The following CTNNA3 variants were observed in gnomAD, a reference collection of about 807,000 sequenced individuals.
CTNNA3 encodes catenin alpha-3.
Under a neutral mutation model 95.7 loss-of-function variants are expected in CTNNA3, and 76 were observed. The ratio of observed to expected loss-of-function variants is 0.79; its 90% CI spans 0.66 to 0.96. The LOEUF is 0.96. CTNNA3 is among the 40% of genes least tolerant of loss of function. CTNNA3 has a pLI of 0.00. For missense variants in CTNNA3, 1,191 were observed against 1,089.8 expected, an observed-to-expected ratio of 1.09 and a Z score of -1.31; for synonymous variants, 431 against 374.4, an observed-to-expected ratio of 1.15 and a Z score of -1.74.
intron 5 of CTNNA3, among the ~76,000 whole-genome samples, chr10:67,225,791 T>C (rs1178578851): frequency 6.6e-6 from 1 of 151,780 alleles, no homozygotes; most frequent in African/African-American, 2.4e-5. Flanking sequence ...GAAAAAAAAA[T>C]CTGGTAATAT....
chr10:67,460,525 T>C (rs1398821781), intron 5 of CTNNA3, among the ~76,000 whole-genome samples: 1 of 152,140 alleles, frequency 6.6e-6, no homozygotes, highest in African/African-American at 2.4e-5. Flanking sequence ...TAAAAATTAT[T>C]TGAGAAGTTT....
At chr10:66,435,184 T>A (rs7476920) in intron 11 of CTNNA3, among the ~76,000 whole-genome samples, 61,999 of 151,948 alleles carry the variant, frequency 0.41, 13,747 homozygotes, top group East Asian at 0.6. Context: ...TTATGATAAT[T>A]TCTTTTCTAT....
chr10:67,497,945 C>T (rs1362982127), intron 5 of CTNNA3, among the ~76,000 whole-genome samples: 5 of 152,104 alleles, frequency 3.3e-5, no homozygotes, highest in Non-Finnish European at 5.9e-5. Flanking sequence ...CAAATTAGAT[C>T]CCATTTGTCA....
intron 16 of CTNNA3, among the ~76,000 whole-genome samples, chr10:65,984,044 T>C (rs1204656069): frequency 6.6e-6 from 1 of 151,204 alleles, no homozygotes; most frequent in Non-Finnish European, 1.5e-5. Context: ...AAACATGCAT[T>C]TAAATAATTT....
chr10:66,830,330 G>C (rs1407010824), intron 7 of CTNNA3, among the ~76,000 whole-genome samples: 2 of 152,152 alleles, frequency 1.3e-5, no homozygotes, highest in Admixed American at 1.3e-4. Flanking sequence ...ACAGTATTAA[G>C]ATATTTAAAA....
At chr10:66,963,562 A>T (rs1213196434) in intron 7 of CTNNA3, among the ~76,000 whole-genome samples, 1 of 152,150 alleles carries the variant, frequency 6.6e-6, no homozygotes, top group Non-Finnish European at 1.5e-5. Context: ...AGATGAACTG[A>T]TCACCTGCAG....
At chr10:67,464,890 C>A (rs2133006933) in intron 5 of CTNNA3, among the ~76,000 whole-genome samples, 1 of 145,778 alleles carries the variant, frequency 6.9e-6, no homozygotes, top group South Asian at 2.2e-4. Flanking sequence ...AAAGAAAGTA[C>A]AGATCATTCA....
intron 5 of CTNNA3, among the ~76,000 whole-genome samples, chr10:67,462,326 T>C (rs1847408113): frequency 6.6e-6 from 1 of 152,180 alleles, no homozygotes; most frequent in African/African-American, 2.4e-5. Context: ...ATTCAGGTAA[T>C]TAATATCCTC....
chr10:65,945,535 A>G (rs74140881), intron 17 of CTNNA3, among the ~76,000 whole-genome samples: 4,008 of 152,288 alleles, frequency 0.026, 160 homozygotes, highest in African/African-American at 0.091. Context: ...TGTCTATTTC[A>G]GAATAATACA....
intron 5 of CTNNA3, among the ~76,000 whole-genome samples, chr10:67,385,425 C>T (rs1301430033): frequency 6.6e-6 from 1 of 152,166 alleles, no homozygotes; most frequent in Non-Finnish European, 1.5e-5. Context: ...ACACTTCTAC[C>T]TAATATAGTT....
At chr10:66,589,663 G>A (rs534944038) in intron 10 of CTNNA3, among the ~76,000 whole-genome samples, 14 of 152,212 alleles carry the variant, frequency 9.2e-5, no homozygotes, top group South Asian at 6.2e-4. Context: ...CTTAAGAAAT[G>A]GCATACAAGT....
At chr10:67,086,149 A>G (rs1360963453) in intron 7 of CTNNA3, among the ~76,000 whole-genome samples, 1 of 152,038 alleles carries the variant, frequency 6.6e-6, no homozygotes, top group Non-Finnish European at 1.5e-5. Context: ...AAGGGGTGGA[A>G]GAAACAGTAT....
intron 7 of CTNNA3, among the ~76,000 whole-genome samples, chr10:66,902,273 G>A (rs1289731547): frequency 1.3e-5 from 2 of 152,192 alleles, no homozygotes; most frequent in African/African-American, 4.8e-5. Context: ...ACCTGCTCCT[G>A]AATGACTACT....
At chr10:66,855,601 G>T (rs942225672) in intron 7 of CTNNA3, among the ~76,000 whole-genome samples, 25 of 152,034 alleles carry the variant, frequency 1.6e-4, no homozygotes, top group Admixed American at 1.5e-3. Context: ...TTATTGAATG[G>T]TGAATAATAT....
intron 5 of CTNNA3, among the ~76,000 whole-genome samples, chr10:67,231,161 G>A (rs1865185208): frequency 6.6e-6 from 1 of 152,238 alleles, no homozygotes; most frequent in Non-Finnish European, 1.5e-5. Context: ...CTCAAACTGG[G>A]TGGAGCCCAC....
intron 12 of CTNNA3, among the ~76,000 whole-genome samples, chr10:66,281,734 G>A (rs2091495270): frequency 1.3e-5 from 2 of 151,710 alleles, no homozygotes; most frequent in African/African-American, 4.8e-5. Context: ...CTGCTTGTAT[G>A]GCATACCATC....
At chr10:67,725,164 A>C (rs927740097) in intron 1 of CTNNA3, among the ~76,000 whole-genome samples, 15 of 150,838 alleles carry the variant, frequency 9.9e-5, no homozygotes, top group African/African-American at 3.4e-4. Flanking sequence ...ATATAGTATT[A>C]ATTTATTAAT....
Position 66,743,974 on chromosome 10 carries a change from CAAAAAAAAAAAA to C in CTNNA3, c.1281+22278_1281+22289del, listed in dbSNP as rs536825430. Among the ~76,000 whole-genome samples the C allele has an allele frequency of 7.3e-4, 33 of 45,062 alleles. No homozygotes were observed. In the South Asian group the frequency reaches 0.033, roughly 45 times the overall value. The allele number at this position is 45,062 out of a possible 152,430, so 29.6% of individuals were successfully genotyped here. On this transcript the variant is annotated intron_variant, in intron 9 of 17. Coordinates refer to ENST00000433211, the MANE Select transcript of CTNNA3 (RefSeq NM_013266.4). ...CTGGTGACACAGTGAGATTCCATCTCAAAAAAAAAAAAAAAAAAAAAAAAAGGAAAGAAGGAG... is the reference window on the plus strand; with the variant it reads ...CTGGTGACACAGTGAGATTCCATCTCAAAAAAAAAAAAAGGAAAGAAGGAG...
chr10:66,683,913 T>G (rs1396131734), intron 9 of CTNNA3, among the ~76,000 whole-genome samples: 1 of 152,086 alleles, frequency 6.6e-6, no homozygotes, highest in Admixed American at 6.6e-5. Context: ...AAAGGTAGGA[T>G]AGACAAGAAA....
Sources: gnomAD v4.1 joint callset for allele counts (sites outside exome capture counted in the v4.1 genomes callset) on GRCh38, gnomAD v4.1.1 for gene constraint, MANE v1.5 for transcripts, NCBI Gene and HGNC (gene_info 2026-07-23, HGNC 2026-07-21) for gene names.